The following GABPB1 variants were observed in gnomAD, a reference collection of about 807,000 sequenced individuals.
GABPB1 encodes GA-binding protein subunit beta-1.
Under a neutral mutation model 45.9 loss-of-function variants are expected in GABPB1, and 15 were observed. The ratio of observed to expected loss-of-function variants is 0.33; its 90% CI spans 0.22 to 0.50. The LOEUF is 0.50. Ranked by LOEUF, GABPB1 falls within the 20% of genes least tolerant of loss-of-function variation. The pLI, the probability that GABPB1 is intolerant of heterozygous loss-of-function variation, is 0.98. For synonymous variants in GABPB1, 143 were observed against 154.4 expected (o/e 0.93, Z 0.55); for missense variants, 252 against 457.5 (o/e 0.55, Z 4.10).
chr15:50,332,490 G>A (rs2047981190), intron 1 of GABPB1, among the ~76,000 whole-genome samples: 1 of 152,102 alleles, frequency 6.6e-6, no homozygotes, highest in Admixed American at 6.6e-5. Flanking sequence ...TTGGGAAAAT[G>A]TGAATACTAA....
At position 50,281,487 on chromosome 15, in the gene GABPB1, A is replaced by T. The variant is rs987045013; in HGVS notation, c.1000-2703T>A. Among the ~76,000 whole-genome samples the T allele has an allele frequency of 1.2e-4, 19 of 152,246 alleles. 1 individual carries two copies. The highest frequency in any genetic ancestry group is 1.9e-4 in the Non-Finnish European group (13 of 68,052). ...TGGCCTCCCAAAGTGCTAGGATTAC[A>T]GGCGTGAGCCACTGCGCCCGGCCTA... On this transcript the variant is annotated intron_variant, in intron 8 of 8. Transcript: ENST00000380877.
intron 6 of GABPB1, among the ~76,000 whole-genome samples, chr15:50,293,659 T>A (rs2046420566): frequency 6.6e-6 from 1 of 152,214 alleles, no homozygotes; most frequent in African/African-American, 2.4e-5. Flanking sequence ...CTACAGATAG[T>A]AAATATTTTA....
At chr15:50,300,257 C>T (rs1442231917) in intron 6 of GABPB1, among the ~76,000 whole-genome samples, 3 of 151,880 alleles carry the variant, frequency 2.0e-5, no homozygotes, top group Non-Finnish European at 4.4e-5. Flanking sequence ...TCACAGCTTC[C>T]TATTAAAAAA....
At chr15:50,344,815 G>A (rs1374301519) in intron 1 of GABPB1, among the ~76,000 whole-genome samples, 4 of 151,980 alleles carry the variant, frequency 2.6e-5, no homozygotes, top group South Asian at 2.1e-4. Flanking sequence ...TCCAGCTTGG[G>A]CAACAAGAAT....
chr15:50,302,387 A>G lies in GABPB1; in HGVS notation c.471+542T>C, dbSNP rs371404702. On this transcript the variant is annotated intron_variant, in intron 4 of 8. Transcript: ENST00000380877. ...GCCAGGCGCAGTGGCTCACGCCTGT[A>G]ATCCCAGCACTTTGGGAGGCCGAGG... is the stretch of plus-strand genomic sequence containing the variant. Among the ~76,000 whole-genome samples the G allele has an allele frequency of 3.3e-5, 5 of 152,324 alleles. No individual in the cohort carries two copies. The East Asian group carries it at 9.6e-4, about 29-fold the overall frequency.
chr15:50,288,333 G>C (rs1225663571), intron 7 of GABPB1, among the ~76,000 whole-genome samples: 1 of 152,152 alleles, frequency 6.6e-6, no homozygotes, highest in Non-Finnish European at 1.5e-5. Flanking sequence ...TGGGATTATG[G>C]GCATGAGCCA....
At chr15:50,310,739 G>A (rs974743763) in intron 1 of GABPB1, among the ~76,000 whole-genome samples, 8 of 152,280 alleles carry the variant, frequency 5.3e-5, no homozygotes, top group Non-Finnish European at 8.8e-5. Context: ...AGCAGTCTGG[G>A]AGGCTGAGGC....
At position 50,289,668 on chromosome 15, in the gene GABPB1, ACTGG is replaced by A; in HGVS notation, c.698-4_698-1del. Reference sequence around the variant, plus strand: ...AGTAACTACTTCTTCTGTGGCCACTACTGGAAAAAAAAAAAAGAAAACTCAGCAA... The same window carrying A: ...AGTAACTACTTCTTCTGTGGCCACTAAAAAAAAAAAAAGAAAACTCAGCAA... On this transcript the variant is annotated splice_acceptor_variant and splice_polypyrimidine_tract_variant and intron_variant, in intron 6 of 8. Transcript: ENST00000380877. LOFTEE classifies it high-confidence loss of function. 2.5e-6 allele frequency: 4 copies of A among 1,587,782 alleles called. No individual in the cohort carries two copies. In the Admixed American group the frequency reaches 5.6e-5, roughly 22 times the overall value.
At chr15:50,353,614 C>T (rs1455583442) in intron 1 of GABPB1, 1 of 151,494 alleles carries the variant, frequency 6.6e-6, no homozygotes, top group Non-Finnish European at 1.5e-5. Flanking sequence ...ATAAAGTCAT[C>T]TTTAGTTTCC....
chr15:50,318,528 A>G (rs2047432560), intron 1 of GABPB1, among the ~76,000 whole-genome samples: 1 of 148,984 alleles, frequency 6.7e-6, no homozygotes, highest in Admixed American at 6.6e-5. Context: ...ACCAAAACCA[A>G]AAGTAAACTA....
chr15:50,303,438 C>T (rs1379737241), intron 3 of GABPB1, among the ~76,000 whole-genome samples: 1 of 152,180 alleles, frequency 6.6e-6, no homozygotes, highest in African/African-American at 2.4e-5. Context: ...AATCCCAGCA[C>T]TTTGGGAGCC....
chr15:50,281,756 T>C (rs1266074687), intron 8 of GABPB1, among the ~76,000 whole-genome samples: 2 of 152,200 alleles, frequency 1.3e-5, no homozygotes, highest in Admixed American at 6.5e-5. Flanking sequence ...ATTTGGTACC[T>C]GGCCATTTAT....
chr15:50,281,066 T>C (rs12912855), intron 8 of GABPB1, among the ~76,000 whole-genome samples: 81,338 of 152,058 alleles, frequency 0.53, 23,643 homozygotes, highest in Middle Eastern at 0.7. Flanking sequence ...AATGAAAAGA[T>C]AGTTTCCTTC....
chr15:50,341,655 A>T (rs550319219), intron 1 of GABPB1, among the ~76,000 whole-genome samples: 1 of 152,232 alleles, frequency 6.6e-6, no homozygotes, highest in African/African-American at 2.4e-5. Flanking sequence ...TCTCAAATGC[A>T]TCTTATGGAA....
At chr15:50,342,924 G>A (rs2048429149) in intron 1 of GABPB1, among the ~76,000 whole-genome samples, 1 of 152,154 alleles carries the variant, frequency 6.6e-6, no homozygotes, top group South Asian at 2.1e-4. Flanking sequence ...GTTTTGAGAT[G>A]GAGTCTCGCT....
intron 1 of GABPB1, among the ~76,000 whole-genome samples, chr15:50,329,996 T>C (rs549919481): frequency 1.2e-3 from 187 of 151,790 alleles, no homozygotes; most frequent in Non-Finnish European, 2.0e-3. Flanking sequence ...AGCCTCGACC[T>C]CTCAGATTCA....
intron 1 of GABPB1, among the ~76,000 whole-genome samples, chr15:50,315,386 C>CAAT (rs1003780478): frequency 1.3e-5 from 2 of 152,190 alleles, no homozygotes; most frequent in African/African-American, 4.8e-5. Flanking sequence ...CCTACTGCAG[C>CAAT]CTCCCAAAGT....
In GABPB1 at chr15:50,289,477, AC is replaced by A; in HGVS notation, c.883+5del. 6.3e-7 allele frequency: 1 copy of A among 1,587,708 alleles called. No homozygotes were observed. The highest frequency in any genetic ancestry group is 8.6e-7 in the Non-Finnish European group (1 of 1,164,726). On this transcript the variant is annotated splice_donor_5th_base_variant and intron_variant, in intron 7 of 8. Coordinates refer to ENST00000380877, the MANE Select transcript of GABPB1 (RefSeq NM_016654.5). ...TACAAACTTTATATAAATGTCTACT[AC>A]TAACCTTGTTGTCCATCTGGCATGG...
At position 50,286,059 on chromosome 15, in the gene GABPB1, A is replaced by C. The variant is rs2046141663; in HGVS notation, c.999+9T>G. 6.2e-7 allele frequency: 1 copy of C among 1,609,460 alleles called. No homozygotes were observed. Among genetic ancestry groups the C allele is most frequent in the Non-Finnish European group, 8.5e-7 (1 of 1,178,002 alleles). On this transcript the variant is annotated intron_variant, in intron 8 of 8. Coordinates refer to ENST00000380877, the MANE Select transcript of GABPB1 (RefSeq NM_016654.5). Reference sequence around the variant, plus strand: ...TGCGGCAAAGCACACCGGGTAAAAGACTCCTTACTTCTATTTCTGCAGATT... The same window carrying C: ...TGCGGCAAAGCACACCGGGTAAAAGCCTCCTTACTTCTATTTCTGCAGATT...
Sources: gnomAD v4.1 joint callset for allele counts (sites outside exome capture counted in the v4.1 genomes callset) on GRCh38, gnomAD v4.1.1 for gene constraint, MANE v1.5 for transcripts, NCBI Gene and HGNC (gene_info 2026-07-23, HGNC 2026-07-21) for gene names.